Variants in WDR3 observed in about 807,000 individuals in gnomAD.
The protein encoded by WDR3 is WD repeat-containing protein 3.
WDR3 carries 81 observed loss-of-function variants against 123.7 expected under a neutral mutation model. The observed-to-expected ratio is 0.65, with a 90% CI of 0.55 to 0.79. The LOEUF (loss-of-function observed/expected upper bound fraction) is 0.79. Ranked by LOEUF, WDR3 falls within the 30% of genes least tolerant of loss-of-function variation. The pLI is 0.00. For synonymous variants in WDR3, 390 were observed against 388.8 expected (o/e 1.00, Z -0.04); for missense variants, 1,027 against 1,123.2 (o/e 0.91, Z 1.22).
In WDR3 at chr1:117,950,818, T is replaced by C; in HGVS notation, c.1747-16T>C. 1 of 1,596,788 alleles carries C rather than the reference T, an allele frequency of 6.3e-7. No individual in the cohort carries two copies. Among genetic ancestry groups the C allele is most frequent in the South Asian group, 1.1e-5 (1 of 88,588 alleles). On this transcript the variant is annotated splice_polypyrimidine_tract_variant and intron_variant, in intron 15 of 26. Coordinates refer to ENST00000349139, the MANE Select transcript of WDR3 (RefSeq NM_006784.3). ...ATTTTATAGACAGACATTAATTATG[T>C]TTTTTTGATGTTTAGTTTTTTCTGT...
chr1:117,936,875 T>A lies in WDR3; in HGVS notation c.488T>A (p.Leu163Gln). The change falls in exon 4 of 27, where the codon CTG becomes CAG. Residue 163 changes from leucine (L) to glutamine (Q), a missense_variant. Physicochemically the swap from Leu to Gln is moderately radical, Grantham distance 113. Coordinates refer to ENST00000349139, the MANE Select transcript of WDR3 (RefSeq NM_006784.3). ...TQALFLREKNLLVTSGKDTMV... is the reference protein window; with the variant it reads ...TQALFLREKNQLVTSGKDTMV... ...GCATTGTTTCTACGAGAAAAGAACC[T>A]GCTAGTTACTAGGTAAAGAAATAAT... is the stretch of plus-strand genomic sequence containing the variant. 6.2e-7 allele frequency: 1 copy of A among 1,611,562 alleles called. No individual in the cohort carries two copies. The highest frequency in any genetic ancestry group is 1.1e-5 in the South Asian group (1 of 90,786).
rs768109905 is a variant in WDR3, at chr1:117,951,407, C to CA, written c.1803+532dup. The stretch of plus-strand genomic sequence containing the variant: ...TATTCTGCAGAGTGAGACTCCGTCT[C>CA]AAAAAAAAAAAAAAAGTCTATTCTG... On this transcript the variant is annotated intron_variant, in intron 16 of 26. Transcript: ENST00000349139. Among the ~76,000 whole-genome samples the CA allele has an allele frequency of 8.6e-3, 725 of 84,678 alleles. 1 individual carries two copies. Among genetic ancestry groups the CA allele is most frequent in the Non-Finnish European group, 0.01 (422 of 40,610 alleles). 55.6% of individuals were successfully genotyped at this position (84,678 alleles called of 152,430 possible). A position where few individuals can be genotyped will look rare whatever the true frequency, so the allele number is the denominator to read the frequency against.
intron 4 of WDR3, among the ~76,000 whole-genome samples, chr1:117,937,435 G>T (rs1389987859): frequency 2.0e-5 from 3 of 152,202 alleles, no homozygotes; most frequent in African/African-American, 4.8e-5. Flanking sequence ...GGATACCAAG[G>T]TTTGCCAGGC....
At chr1:117,944,058 A>T (rs1246421479) in intron 11 of WDR3, among the ~76,000 whole-genome samples, 1 of 152,180 alleles carries the variant, frequency 6.6e-6, no homozygotes, top group African/African-American at 2.4e-5. Context: ...CCTTAAAGGA[A>T]ATAATAACCC....
At chr1:117,934,355 A>G (rs1650842910) in intron 2 of WDR3, 118 bp from the exon 3 acceptor site, 3 of 927,340 alleles carry the variant, frequency 3.2e-6, no homozygotes, top group Admixed American at 2.7e-5. Context: ...ATTTTTATTC[A>G]TAAGAGTAAT....
At position 117,965,709 on chromosome 1, in the gene WDR3, T is replaced by A. The variant is rs1653746079; in HGVS notation, c.*6262T>A. On this transcript the variant is annotated 3_prime_UTR_variant, in exon 27 of 27. Coordinates refer to ENST00000349139, the MANE Select transcript of WDR3 (RefSeq NM_006784.3). ...TTTGACATGTCCTGCACAATAACCC[T>A]GGATTCATCTTAATAAAGATATGCT... 6.6e-6 allele frequency: 1 copy of A among 152,214 alleles called. No individual in the cohort carries two copies. The highest frequency in any genetic ancestry group is 2.4e-5 in the African/African-American group (1 of 41,450). The allele number at this position is 152,214 out of a possible 1,614,324, so 9.4% of individuals were successfully genotyped here. A position where few individuals can be genotyped will look rare whatever the true frequency, so the allele number is the denominator to read the frequency against.
intron 3 of WDR3, among the ~76,000 whole-genome samples, chr1:117,935,200 A>G (rs187276989): frequency 3.3e-5 from 5 of 152,212 alleles, no homozygotes; most frequent in Non-Finnish European, 7.4e-5. Flanking sequence ...CAAGGTATTG[A>G]AAAGATGGTA....
At chr1:117,942,394 C>T in intron 9 of WDR3, 43 bp from the exon 10 acceptor site, 1 of 1,562,466 alleles carries the variant, frequency 6.4e-7, no homozygotes, top group African/African-American at 1.4e-5. Context: ...AAAGCTGCTT[C>T]TAGAAAAATA....
At chr1:117,954,481 C>T in intron 22 of WDR3, 99 bp from the exon 23 acceptor site, 6 of 1,229,766 alleles carry the variant, frequency 4.9e-6, no homozygotes, top group South Asian at 1.4e-5. Flanking sequence ...CTCTTTTTTC[C>T]CTTTTCAAAA....
At chr1:117,957,274 C>T in intron 25 of WDR3, 78 bp downstream of exon 25, 1 of 1,477,778 alleles carries the variant, frequency 6.8e-7, no homozygotes. Flanking sequence ...GCTGTCAACA[C>T]TTTGGGATTA....
intron 10 of WDR3, among the ~76,000 whole-genome samples, chr1:117,942,933 T>A (rs1335911011): frequency 6.9e-6 from 1 of 144,854 alleles, no homozygotes; most frequent in Non-Finnish European, 1.5e-5. Context: ...CCTACTCAGC[T>A]ACTACTCAAT....
chr1:117,938,550 C>CGGACT lies in WDR3; in HGVS notation c.573_577dup (p.Glu193GlyfsTer25). 1 of 1,612,972 alleles carries CGGACT rather than the reference C, an allele frequency of 6.2e-7. No homozygotes were observed. Among genetic ancestry groups the CGGACT allele is most frequent in the Non-Finnish European group, 8.5e-7 (1 of 1,179,198 alleles). ...CTGCTTTAAAACAATGGTTGGCCACCGGACTGAGGTAAGTGTAGGGTCATG... is the reference window on the plus strand; with the variant it reads ...CTGCTTTAAAACAATGGTTGGCCACCGGACTGGACTGAGGTAAGTGTAGGGTCATG... On this transcript the variant is annotated frameshift_variant, in exon 5 of 27. Transcript: ENST00000349139. LOFTEE classifies it high-confidence loss of function.
chr1:117,949,712 C>T, intron 13 of WDR3, 39 bp from the exon 14 acceptor site: 1 of 1,600,784 alleles, frequency 6.2e-7, no homozygotes, highest in Middle Eastern at 1.7e-4. Context: ...AGTTTTTATG[C>T]TAAAATAGTT....
chr1:117,952,508 A>ATT lies in WDR3; in HGVS notation c.2017-11_2017-10dup. ...GTGGTCAATGAATGAGGTATTCTTT[A>ATT]TTTTTTTTTTCTCCTCCAGGGTCAT... On this transcript the variant is annotated intron_variant, in intron 18 of 26. Coordinates refer to ENST00000349139, the MANE Select transcript of WDR3 (RefSeq NM_006784.3). The ATT allele has an allele frequency of 4.0e-6, 6 of 1,506,902 alleles. No homozygotes were observed. Among genetic ancestry groups the ATT allele is most frequent in the Middle Eastern group, 1.8e-4 (1 of 5,654 alleles). 93.3% of individuals were successfully genotyped at this position (1,506,902 alleles called of 1,614,324 possible).
chr1:117,966,473 C>T lies in WDR3; in HGVS notation c.*7026C>T. 2.2e-6 allele frequency: 2 copies of T among 900,734 alleles called. No homozygotes were observed. The highest frequency in any genetic ancestry group is 3.2e-5 in the Admixed American group (1 of 31,612). The allele number at this position is 900,734 out of a possible 1,614,324, so 55.8% of individuals were successfully genotyped here. ...GCTTTCAAAGATGAATGAAGATGCT[C>T]TTTGTCTTAATAAATTTAACTCTGA... is the stretch of plus-strand genomic sequence containing the variant. On this transcript the variant is annotated 3_prime_UTR_variant, in exon 27 of 27. Transcript: ENST00000349139.
intron 11 of WDR3, among the ~76,000 whole-genome samples, chr1:117,945,756 A>G (rs1330497083): frequency 6.6e-6 from 1 of 152,188 alleles, no homozygotes; most frequent in African/African-American, 2.4e-5. Context: ...AGGGATATGT[A>G]ATGATGTACT....
chr1:117,962,757 A>G lies in WDR3; in HGVS notation c.*3310A>G, dbSNP rs1004928279. 5 of 152,226 alleles carry G rather than the reference A, an allele frequency of 3.3e-5. No individual in the cohort carries two copies. Among genetic ancestry groups the G allele is most frequent in the Non-Finnish European group, 7.3e-5 (5 of 68,048 alleles). 9.4% of individuals were successfully genotyped at this position (152,226 alleles called of 1,614,324 possible). On this transcript the variant is annotated 3_prime_UTR_variant, in exon 27 of 27. Coordinates refer to ENST00000349139, the MANE Select transcript of WDR3 (RefSeq NM_006784.3). ...TATCTCATTCTAAAGATATCTAGCA[A>G]ATCTCCAGCAGAGATCTAGGACAGT...
chr1:117,938,396 G>A, intron 4 of WDR3, 84 bp from the exon 5 acceptor site: 1 of 1,074,550 alleles, frequency 9.3e-7, no homozygotes, highest in Non-Finnish European at 1.4e-6. Flanking sequence ...TCCTTTTAAA[G>A]CAACAGTGAG....
chr1:117,952,210 T>C, intron 17 of WDR3, 87 bp from the exon 18 acceptor site: 1 of 1,432,486 alleles, frequency 7.0e-7, no homozygotes, highest in Non-Finnish European at 9.7e-7. Context: ...ACCCTAGAAC[T>C]AGCTAGTCAA....
Sources: gnomAD v4.1 joint callset for allele counts (sites outside exome capture counted in the v4.1 genomes callset) on GRCh38, gnomAD v4.1.1 for gene constraint, MANE v1.5 for transcripts, NCBI Gene and HGNC (gene_info 2026-07-23, HGNC 2026-07-21) for gene names.